Variants in STOX2 observed in about 807,000 individuals in gnomAD.
STOX2 encodes the protein storkhead box 2.
In STOX2, 28 loss-of-function variants were observed where a neutral mutation model predicts 60.9. The observed-to-expected ratio is 0.46, with a 90% CI of 0.34 to 0.63. STOX2 has a LOEUF of 0.63. Among genes scored for constraint, STOX2 ranks in the 30% least tolerant of loss-of-function variants. The pLI is 0.01. For synonymous variants in STOX2, 472 were observed against 463.9 expected (o/e 1.02, Z -0.22); for missense variants, 1,024 against 1,187.7 (o/e 0.86, Z 2.03).
At position 183,906,608 on chromosome 4, in the gene STOX2, G is replaced by C; in HGVS notation, c.-183G>C. On this transcript the variant is annotated 5_prime_UTR_variant, in exon 1 of 4. Coordinates refer to ENST00000308497, the MANE Select transcript of STOX2 (RefSeq NM_020225.3). ...GTGTAAAATCGGAGCCTTCGCCGTG[G>C]GGGTGTGGGGGGGCGTGGGGAGGGC... 2 of 595,962 alleles carry C rather than the reference G, an allele frequency of 3.4e-6. No individual in the cohort carries two copies. The highest frequency in any genetic ancestry group is 5.7e-6 in the Non-Finnish European group (2 of 347,896). 36.9% of individuals were successfully genotyped at this position (595,962 alleles called of 1,614,324 possible).
chr4:183,990,893 G>T (rs1733079884), intron 1 of STOX2, among the ~76,000 whole-genome samples: 1 of 152,094 alleles, frequency 6.6e-6, no homozygotes, highest in Non-Finnish European at 1.5e-5. Flanking sequence ...AATTCGGGAA[G>T]TTTAGGTGAA....
chr4:183,807,949 G>T (rs976901747), intron 1 of STOX2, among the ~76,000 whole-genome samples: 1 of 152,208 alleles, frequency 6.6e-6, no homozygotes, highest in African/African-American at 2.4e-5. Context: ...AGGCCTGCGG[G>T]GCGGGCTGAG....
At chr4:183,947,644 T>C (rs1367792094) in intron 1 of STOX2, among the ~76,000 whole-genome samples, 1 of 152,188 alleles carries the variant, frequency 6.6e-6, no homozygotes, top group Non-Finnish European at 1.5e-5. Flanking sequence ...CCTCAATAAA[T>C]GTTCACTCTG....
chr4:184,016,965 T>C (rs1379264623), intron 3 of STOX2, 124 bp from the exon 4 acceptor site: 2 of 775,036 alleles, frequency 2.6e-6, no homozygotes, highest in Non-Finnish European at 4.0e-6. Flanking sequence ...AGATGTATAT[T>C]GATATGACAT....
intron 1 of STOX2, among the ~76,000 whole-genome samples, chr4:183,858,127 AG>A (rs1271194219): frequency 1.3e-5 from 2 of 152,124 alleles, no homozygotes; most frequent in Non-Finnish European, 2.9e-5. Context: ...GGGGACCCTC[AG>A]GGGGCACCAT....
At chr4:184,002,572 C>T (rs1733638008) in intron 2 of STOX2, among the ~76,000 whole-genome samples, 1 of 152,186 alleles carries the variant, frequency 6.6e-6, no homozygotes, top group South Asian at 2.1e-4. Context: ...CTGTACCCAT[C>T]CGATTTAGAA....
intron 1 of STOX2, among the ~76,000 whole-genome samples, chr4:183,915,622 G>A (rs1366076247): frequency 6.6e-6 from 1 of 152,202 alleles, no homozygotes; most frequent in African/African-American, 2.4e-5. Flanking sequence ...CTGGAATAGG[G>A]TGAGCCCTAG....
chr4:184,016,583 C>A (rs62339733), intron 3 of STOX2, among the ~76,000 whole-genome samples: 27,515 of 152,014 alleles, frequency 0.18, 3,011 homozygotes, highest in Middle Eastern at 0.33. Context: ...GCGGCAAATG[C>A]CCAGGGTCCC....
At chr4:183,952,537 A>G (rs560679158) in intron 1 of STOX2, among the ~76,000 whole-genome samples, 31 of 152,348 alleles carry the variant, frequency 2.0e-4, no homozygotes, top group African/African-American at 7.2e-4. Context: ...AATTGTCCAA[A>G]TAATTGGGGG....
At chr4:183,847,344 G>T (rs566851816) in intron 1 of STOX2, among the ~76,000 whole-genome samples, 66 of 152,154 alleles carry the variant, frequency 4.3e-4, no homozygotes, top group African/African-American at 1.6e-3. Context: ...TTCCTTTTAG[G>T]TTTTTTTGCT....
At chr4:183,851,545 GGATGAGAGAAAC>G (rs1740138482) in intron 1 of STOX2, among the ~76,000 whole-genome samples, 1 of 64,894 alleles carries the variant, frequency 1.5e-5, no homozygotes, top group Admixed American at 1.4e-4. Context: ...ATGAGGGAAA[GGATGAGAGAAAC>G]GATGAGGGAA....
intron 1 of STOX2, among the ~76,000 whole-genome samples, chr4:183,886,795 G>A (rs1354530144): frequency 1.3e-5 from 2 of 152,134 alleles, no homozygotes; most frequent in African/African-American, 4.8e-5. Flanking sequence ...AGAGCAAGCA[G>A]TCCTTAAAAA....
At chr4:183,828,929 T>C (rs1739497446) in intron 1 of STOX2, among the ~76,000 whole-genome samples, 1 of 152,180 alleles carries the variant, frequency 6.6e-6, no homozygotes, top group South Asian at 2.1e-4. Context: ...CCAGACCTGG[T>C]GCTGCAGACA....
At chr4:183,948,961 C>T (rs1019968655) in intron 1 of STOX2, among the ~76,000 whole-genome samples, 1 of 152,184 alleles carries the variant, frequency 6.6e-6, no homozygotes, top group African/African-American at 2.4e-5. Context: ...CTTTCTTTCT[C>T]TTGGCTGTAA....
At chr4:183,927,870 G>A (rs1218857496) in intron 1 of STOX2, among the ~76,000 whole-genome samples, 1 of 152,160 alleles carries the variant, frequency 6.6e-6, no homozygotes, top group Non-Finnish European at 1.5e-5. Flanking sequence ...TTCTCCACTT[G>A]CAGGTAAGTG....
intron 2 of STOX2, among the ~76,000 whole-genome samples, chr4:184,007,196 C>T (rs879506008): frequency 5.3e-5 from 8 of 152,100 alleles, no homozygotes; most frequent in Non-Finnish European, 1.0e-4. Context: ...ACCTTTTCCG[C>T]CTTGGTCACT....
intron 1 of STOX2, among the ~76,000 whole-genome samples, chr4:183,833,630 A>C (rs1367260658): frequency 6.8e-6 from 1 of 146,734 alleles, no homozygotes; most frequent in Non-Finnish European, 1.5e-5. Context: ...ATATTTCTGC[A>C]GGAGTTTTTT....
intron 1 of STOX2, among the ~76,000 whole-genome samples, chr4:183,931,657 G>A (rs1047250288): frequency 6.6e-6 from 1 of 152,134 alleles, no homozygotes; most frequent in Non-Finnish European, 1.5e-5. Context: ...CAAGGTGAAT[G>A]TGAGTCTGTA....
At chr4:183,974,277 T>C (rs1732362971) in intron 1 of STOX2, among the ~76,000 whole-genome samples, 3 of 151,886 alleles carry the variant, frequency 2.0e-5, no homozygotes, top group African/African-American at 7.3e-5. Context: ...ACTGAAAATA[T>C]TCAAATAATT....
Sources: allele counts gnomAD v4.1 joint callset (sites outside exome capture counted in the v4.1 genomes callset), GRCh38; gene constraint gnomAD v4.1.1; transcripts MANE v1.5; gene names NCBI Gene and HGNC (gene_info 2026-07-23, HGNC 2026-07-21).